THOC2: variants seen among roughly 807,000 people sequenced by gnomAD.
The protein encoded by THOC2 is THO complex subunit 2, also known as THO complex 2.
A neutral mutation model predicts 128.4 loss-of-function variants in THOC2; 10 were observed. That is an observed-to-expected ratio of 0.08 (90% CI 0.05 to 0.13). The LOEUF (loss-of-function observed/expected upper bound fraction) is 0.13, where lower values mean the gene tolerates loss of function less well. Ranked by LOEUF, THOC2 falls within the 10% of genes least tolerant of loss-of-function variation. The pLI is 1.00. For missense variants in THOC2, 535 were observed against 1,155.7 expected, an observed-to-expected ratio of 0.46 and a Z score of 7.79; for synonymous variants, 393 against 396.9, an observed-to-expected ratio of 0.99 and a Z score of 0.12.
rs2047601995 is a variant in THOC2, at chrX:123,634,535, C to A, written c.2019-465G>T. ...CTAAGAGAGCTATTCTCTTAAATAA[C>A]CACAGCACAGTTATCAATTTTAGTA... On this transcript the variant is annotated intron_variant, in intron 19 of 38. Transcript: ENST00000245838. Among the ~76,000 whole-genome samples, 5 of 111,657 alleles carry A rather than the reference C, an allele frequency of 4.5e-5. No individual in the cohort carries two copies. In the Admixed American group the frequency reaches 4.8e-4, roughly 11 times the overall value.
chrX:123,662,068 C>T (rs1289191911), intron 12 of THOC2, among the ~76,000 whole-genome samples: 1 of 112,229 alleles, frequency 8.9e-6, no homozygotes, highest in Non-Finnish European at 1.9e-5. Context: ...GAAATTAATA[C>T]ACAATAGCCG....
rs1490379088 is a variant in THOC2, at chrX:123,731,286, C to T, written c.71+1666G>A. Among the ~76,000 whole-genome samples the T allele has an allele frequency of 6.3e-5, 7 of 111,553 alleles. No individual in the cohort carries two copies. The Admixed American group carries it at 6.7e-4, about 11-fold the overall frequency. Reference sequence around the variant, plus strand: ...ATAGCCTTCTCTGACAATTAATAAACCAATAAGCATTCTAAGCATAGGCTG... The same window carrying T: ...ATAGCCTTCTCTGACAATTAATAAATCAATAAGCATTCTAAGCATAGGCTG... On this transcript the variant is annotated intron_variant, in intron 1 of 38. Coordinates refer to ENST00000245838, the MANE Select transcript of THOC2 (RefSeq NM_001081550.2).
At chrX:123,603,593 T>C in intron 38 of THOC2, 1 of 723,679 alleles carries the variant, frequency 1.4e-6, no homozygotes, top group Non-Finnish European at 2.2e-6. Context: ...GTCAAGAGGA[T>C]GGTGGTGTGT....
chrX:123,731,965 A>G (rs932971584), intron 1 of THOC2, among the ~76,000 whole-genome samples: 3 of 111,767 alleles, frequency 2.7e-5, no homozygotes, highest in African/African-American at 9.8e-5. Flanking sequence ...TTTAGCATCT[A>G]AAAGCGACCC....
In THOC2 at chrX:123,651,674, G is replaced by A. The variant is rs528653166; in HGVS notation, c.1387-6299C>T. Among the ~76,000 whole-genome samples, 27 of 110,217 alleles carry A rather than the reference G, an allele frequency of 2.4e-4. No individual in the cohort carries two copies. The East Asian group carries it at 5.9e-3, about 24-fold the overall frequency. On this transcript the variant is annotated intron_variant, in intron 12 of 38. Transcript: ENST00000245838. The stretch of plus-strand genomic sequence containing the variant: ...CAGAGAATACTATAAACACCTCTAC[G>A]CAAATAAACTAGAAAATCTAGAAGA...
At chrX:123,686,336 T>G (rs1449094661) in intron 8 of THOC2, among the ~76,000 whole-genome samples, 1 of 111,930 alleles carries the variant, frequency 8.9e-6, no homozygotes, top group Non-Finnish European at 1.9e-5. Flanking sequence ...AAGGCAAAAC[T>G]TAATAATTCT....
chrX:123,638,710 A>T (rs750276638), intron 17 of THOC2, among the ~76,000 whole-genome samples: 16 of 104,366 alleles, frequency 1.5e-4, no homozygotes, highest in African/African-American at 5.3e-4. Flanking sequence ...CCTTTATACA[A>T]CACAAAGACA....
At chrX:123,629,982 A>C (rs1320610834) in intron 22 of THOC2, among the ~76,000 whole-genome samples, 1 of 111,947 alleles carries the variant, frequency 8.9e-6, no homozygotes, top group Non-Finnish European at 1.9e-5. Flanking sequence ...AAAACTAAAA[A>C]TTAGTTTATA....
rs2049285434 is a variant in THOC2, at chrX:123,671,707, G to T, written c.823C>A (p.Gln275Lys). 2 of 1,181,106 alleles carry T rather than the reference G, an allele frequency of 1.7e-6. No homozygotes were observed. Among genetic ancestry groups the T allele is most frequent in the Non-Finnish European group, 2.3e-6 (2 of 876,950 alleles). Residue 275 changes from glutamine (Q) to lysine (K), a missense_variant, in exon 9 of 39, where the codon CAA becomes AAA. Gln to Lys is a moderately conservative substitution (Grantham distance 53). This residue lies in a region of THOC2 where 197 missense variants were observed against 313.4 expected (regional missense o/e 0.63). Transcript: ENST00000245838. ...SLYRVAAVLLQFNLIDLDDLY... is the reference protein window; with the variant it reads ...SLYRVAAVLLKFNLIDLDDLY... ...TCATCTAAATCAATAAGATTAAATTGTAGAAGTACTGCTGCAACTCTGTAT... is the reference window on the plus strand; with the variant it reads ...TCATCTAAATCAATAAGATTAAATTTTAGAAGTACTGCTGCAACTCTGTAT...
intron 12 of THOC2, among the ~76,000 whole-genome samples, chrX:123,655,828 T>C (rs1443042413): frequency 9.0e-6 from 1 of 111,450 alleles, no homozygotes; most frequent in Non-Finnish European, 1.9e-5. Context: ...ACAGTCTTTC[T>C]AGACAAATTA....
At chrX:123,664,813 A>C (rs1195985603) in intron 12 of THOC2, among the ~76,000 whole-genome samples, 2 of 111,674 alleles carry the variant, frequency 1.8e-5, no homozygotes, top group African/African-American at 6.5e-5. Flanking sequence ...AGGGAAAGTC[A>C]CTGAGCTGTA....
intron 2 of THOC2, among the ~76,000 whole-genome samples, chrX:123,708,585 T>A (rs1455125825): frequency 9.1e-6 from 1 of 110,252 alleles, no homozygotes; most frequent in Admixed American, 9.7e-5. Context: ...TGAGAATATG[T>A]CCTCTGGTAC....
At chrX:123,712,019 GAACA>G (rs1290650484) in intron 2 of THOC2, among the ~76,000 whole-genome samples, 46 of 91,419 alleles carry the variant, frequency 5.0e-4, no homozygotes, top group African/African-American at 1.9e-3. Flanking sequence ...ATTTTTGGTA[GAACA>G]AAAATAAATA....
At chrX:123,713,431 C>T (rs1419065841) in intron 1 of THOC2, among the ~76,000 whole-genome samples, 2 of 104,196 alleles carry the variant, frequency 1.9e-5, no homozygotes, top group African/African-American at 7.1e-5. Flanking sequence ...GCCAAGATCG[C>T]GCCACTGCAC....
At position 123,638,769 on chromosome X, in the gene THOC2, TACACAC is replaced by T. The variant is rs745502483; in HGVS notation, c.1840+159_1840+164del. Reference sequence around the variant, plus strand: ...ACACACACTCTCTCTCTCTCTCACATACACACACACACACACACACACACACAATTG... The same window carrying T: ...ACACACACTCTCTCTCTCTCTCACATACACACACACACACACACACAATTG... On this transcript the variant is annotated intron_variant, in intron 17 of 38. Transcript: ENST00000245838. Among the ~76,000 whole-genome samples, 357 of 93,591 alleles carry T rather than the reference TACACAC, an allele frequency of 3.8e-3. 2 individuals carry two copies. The highest frequency in any genetic ancestry group is 0.012 in the African/African-American group (316 of 25,814). 81.3% of individuals were successfully genotyped at this position (93,591 alleles called of 115,157 possible).
chrX:123,611,555 CA>C, intron 36 of THOC2, 39 bp from the exon 37 acceptor site: 1 of 957,218 alleles, frequency 1.0e-6, no homozygotes. Context: ...AAGGGAAAGC[CA>C]AATATAAAAG....
At chrX:123,613,786 G>T in intron 34 of THOC2, 78 bp from the exon 35 acceptor site, 1 of 956,920 alleles carries the variant, frequency 1.0e-6, no homozygotes, top group Non-Finnish European at 1.5e-6. Flanking sequence ...TATGAGAAGG[G>T]CACAGCTAAC....
Position 123,644,788 on chromosome X carries a change from T to A in THOC2, c.1550A>T (p.Tyr517Phe). 8.3e-7 allele frequency: 1 copy of A among 1,199,604 alleles called. No individual in the cohort carries two copies. The highest frequency in any genetic ancestry group is 1.1e-6 in the Non-Finnish European group (1 of 887,530). Residue 517 changes from tyrosine to phenylalanine, a missense_variant, in exon 14 of 39, where the codon TAT becomes TTT. Tyr to Phe is a conservative substitution (Grantham distance 22). Around this residue, in one of 9 missense-constraint regions of THOC2, gnomAD observed 197 missense variants for 313.4 expected, o/e 0.63. Coordinates refer to ENST00000245838, the MANE Select transcript of THOC2 (RefSeq NM_001081550.2). ...ELWGMFKTFP[Y>F]QHRYRLYGQW... Reference sequence around the variant, plus strand: ...AATAATATGTATTTACCTATGCTGATATGGAAATGTTTTAAACATTCCCCA... The same window carrying A: ...AATAATATGTATTTACCTATGCTGAAATGGAAATGTTTTAAACATTCCCCA...
chrX:123,678,218 C>T lies in THOC2; in HGVS notation c.769-6457G>A, dbSNP rs183661769. Among the ~76,000 whole-genome samples the T allele has an allele frequency of 3.6e-4, 40 of 110,348 alleles. No homozygotes were observed. The East Asian group carries it at 0.011, about 29-fold the overall frequency. On this transcript the variant is annotated intron_variant, in intron 8 of 38. Transcript: ENST00000245838. ...AGCAGACAATGCGCCATGTACATTC[C>T]TCTCTATTAATAAAAACCTTGGTCA...
Sources: allele counts gnomAD v4.1 joint callset (sites outside exome capture counted in the v4.1 genomes callset), GRCh38; gene constraint gnomAD v4.1.1; regional missense constraint gnomAD v4.1.1; transcripts MANE v1.5; gene names NCBI Gene and HGNC (gene_info 2026-07-23, HGNC 2026-07-21).